FBN1: variants seen among roughly 807,000 people sequenced by gnomAD.
FBN1 encodes the protein fibrillin-1.
Under a neutral mutation model 365.1 loss-of-function variants are expected in FBN1, and 29 were observed. The observed-to-expected ratio is 0.08, with a 90% confidence interval of 0.06 to 0.11. The LOEUF is 0.11. Among genes scored for constraint, FBN1 ranks in the 10% least tolerant of loss-of-function variants. FBN1 has a pLI of 1.00. For missense variants in FBN1, 2,476 were observed against 3,703.2 expected, an observed-to-expected ratio of 0.67 and a Z score of 8.60; for synonymous variants, 1,210 against 1,270.5, an observed-to-expected ratio of 0.95 and a Z score of 1.01.
chr15:48,504,224 C>T (rs1028760477), intron 16 of FBN1, among the ~76,000 whole-genome samples: 4 of 152,206 alleles, frequency 2.6e-5, no homozygotes, highest in African/African-American at 9.6e-5. Flanking sequence ...TTATATCTCA[C>T]TTATTTTGTC....
At chr15:48,553,307 T>C (rs912483013) in intron 6 of FBN1, among the ~76,000 whole-genome samples, 2 of 152,096 alleles carry the variant, frequency 1.3e-5, no homozygotes, top group African/African-American at 2.4e-5. Context: ...ATCATAAAAA[T>C]ATAAACAGAG....
intron 31 of FBN1, among the ~76,000 whole-genome samples, chr15:48,482,016 A>C (rs1309765123): frequency 6.6e-6 from 1 of 152,178 alleles, no homozygotes; most frequent in Non-Finnish European, 1.5e-5. Context: ...TAATCAAATA[A>C]ACAGATGGGC....
intron 2 of FBN1, among the ~76,000 whole-genome samples, chr15:48,623,964 CACAA>C (rs1319386368): frequency 1.6e-4 from 11 of 69,546 alleles, no homozygotes; most frequent in Non-Finnish European, 1.5e-4. Context: ...CACACAAAGA[CACAA>C]ACACACACAC....
chr15:48,562,839 T>C (rs1470570271), intron 6 of FBN1, among the ~76,000 whole-genome samples: 2 of 152,218 alleles, frequency 1.3e-5, no homozygotes, highest in African/African-American at 4.8e-5. Context: ...GAAACATTTA[T>C]GTATTGTTTT....
chr15:48,419,590 T>C (rs536190699), intron 63 of FBN1, among the ~76,000 whole-genome samples: 10 of 152,276 alleles, frequency 6.6e-5, no homozygotes, highest in African/African-American at 2.4e-4. Flanking sequence ...GAAACTCCTA[T>C]AGCACAGGGG....
At chr15:48,560,582 G>C (rs1215009046) in intron 6 of FBN1, among the ~76,000 whole-genome samples, 1 of 152,132 alleles carries the variant, frequency 6.6e-6, no homozygotes, top group Non-Finnish European at 1.5e-5. Context: ...TGGTATATTT[G>C]TAATTTGCAT....
At chr15:48,557,087 T>C (rs1317772256) in intron 6 of FBN1, among the ~76,000 whole-genome samples, 1 of 152,076 alleles carries the variant, frequency 6.6e-6, no homozygotes, top group Non-Finnish European at 1.5e-5. Flanking sequence ...TACAAAACAA[T>C]ATAGAGATGG....
At chr15:48,495,093 T>C in intron 22 of FBN1, 30 bp downstream of exon 22, 1 of 1,613,698 alleles carries the variant, frequency 6.2e-7, no homozygotes, top group South Asian at 1.1e-5. Context: ...ATTGGAGTGG[T>C]ATAGGAACCA....
At chr15:48,415,454 AC>A in intron 64 of FBN1, 81 bp downstream of exon 64, 1 of 1,059,312 alleles carries the variant, frequency 9.4e-7, no homozygotes, top group Non-Finnish European at 1.5e-6. Context: ...CTCTGCTAGG[AC>A]AGGTAATTTT....
At chr15:48,421,326 T>C (rs2042939575) in intron 62 of FBN1, among the ~76,000 whole-genome samples, 1 of 152,210 alleles carries the variant, frequency 6.6e-6, no homozygotes, top group Non-Finnish European at 1.5e-5. Context: ...ATTAAAAACT[T>C]AGCAGAAAAA....
At chr15:48,470,590 C>T (rs746040621) in intron 36 of FBN1, 44 bp downstream of exon 36, 25 of 1,612,866 alleles carry the variant, frequency 1.6e-5, no homozygotes, top group Non-Finnish European at 1.9e-5. Context: ...GCTGGGTCCC[C>T]CGGGACACCA....
At chr15:48,552,922 C>T (rs1341745704) in intron 6 of FBN1, among the ~76,000 whole-genome samples, 1 of 152,136 alleles carries the variant, frequency 6.6e-6, no homozygotes, top group East Asian at 1.9e-4. Flanking sequence ...CTCATATTCC[C>T]CAAATCAACT....
In FBN1 at chr15:48,628,419, T is replaced by G. The variant is rs575041990; in HGVS notation, c.165-15327A>C. 4.9e-4 allele frequency among the ~76,000 whole-genome samples: 75 copies of G among 152,292 alleles called. 1 individual carries two copies. In the South Asian group the frequency reaches 0.015, roughly 31 times the overall value. ...TTTATTACCCTCATAGTCCAAAATCTTACCAACTTTTCATAAGGTTCTTGC... is the reference window on the plus strand; with the variant it reads ...TTTATTACCCTCATAGTCCAAAATCGTACCAACTTTTCATAAGGTTCTTGC... On this transcript the variant is annotated intron_variant, in intron 2 of 65. Coordinates refer to ENST00000316623, the MANE Select transcript of FBN1 (RefSeq NM_000138.5).
Position 48,489,932 on chromosome 15 carries a change from T to C in FBN1, c.3001A>G (p.Thr1001Ala). Residue 1001 changes from threonine (T) to alanine (A), a missense_variant, in exon 25 of 66, where the codon ACT becomes GCT. Thr to Ala is a moderately conservative substitution (Grantham distance 58). Around this residue, in one of 5 missense-constraint regions of FBN1, gnomAD observed 1,780 missense variants for 2,840.8 expected, o/e 0.63. Transcript: ENST00000316623. The part of the protein sequence containing the change: ...EECEECPMRN[T>A]PEYEELCPRG... ...GGACACAGCTCCTCGTACTCAGGAG[T>C]ATTTCTCATGGGACACTCCTCGCAT... The C allele has an allele frequency of 6.2e-7, 1 of 1,613,996 alleles. No homozygotes were observed. Among genetic ancestry groups the C allele is most frequent in the Non-Finnish European group, 8.5e-7 (1 of 1,180,010 alleles).
chr15:48,493,942 A>C (rs1026339379), intron 23 of FBN1, among the ~76,000 whole-genome samples: 2 of 152,236 alleles, frequency 1.3e-5, no homozygotes, highest in Admixed American at 1.3e-4. Flanking sequence ...AGCATTTTGA[A>C]AGTGCAGTCT....
chr15:48,624,026 A>G (rs531897104), intron 2 of FBN1, among the ~76,000 whole-genome samples: 7 of 150,556 alleles, frequency 4.6e-5, no homozygotes, highest in African/African-American at 1.7e-4. Context: ...GGAAATAGAA[A>G]GCTGAAAAGG....
At chr15:48,425,150 G>A (rs2042969390) in intron 60 of FBN1, among the ~76,000 whole-genome samples, 1 of 152,210 alleles carries the variant, frequency 6.6e-6, no homozygotes, top group Non-Finnish European at 1.5e-5. Context: ...GGATGCCCAG[G>A]GGGCATGCAG....
chr15:48,589,493 T>C (rs148151187), intron 6 of FBN1, among the ~76,000 whole-genome samples: 76 of 152,114 alleles, frequency 5.0e-4, no homozygotes, highest in Admixed American at 8.5e-4. Flanking sequence ...GGAACTATTC[T>C]AGGAAAATCT....
At position 48,488,259 on chromosome 15, in the gene FBN1, G is replaced by A; in HGVS notation, c.3209-18C>T. On this transcript the variant is annotated intron_variant, in intron 26 of 65. Transcript: ENST00000316623. ...GTCAATGTCTGCACAAAAACAGCAA[G>A]TGGCAGCAAATGAGTCTCAGGACAG... 1.2e-6 allele frequency: 2 copies of A among 1,614,226 alleles called. No individual in the cohort carries two copies. The highest frequency in any genetic ancestry group is 8.5e-7 in the Non-Finnish European group (1 of 1,180,036).
Sources: allele counts gnomAD v4.1 joint callset (sites outside exome capture counted in the v4.1 genomes callset), GRCh38; gene constraint gnomAD v4.1.1; regional missense constraint gnomAD v4.1.1; transcripts MANE v1.5; gene names NCBI Gene and HGNC (gene_info 2026-07-23, HGNC 2026-07-21).